Variants in SYNM observed in about 807,000 individuals in gnomAD.
SYNM encodes the protein synemin, also known as desmuslin.
SYNM carries 95 observed loss-of-function variants against 104.0 expected under a neutral mutation model. That is an observed-to-expected ratio of 0.91 (90% CI 0.77 to 1.08). The LOEUF (loss-of-function observed/expected upper bound fraction) is 1.08. Among genes scored for constraint, SYNM ranks in the 50% least tolerant of loss-of-function variants. The pLI, the probability that SYNM is intolerant of heterozygous loss-of-function variation, is 0.00. For synonymous variants in SYNM, 918 were observed against 869.0 expected, an observed-to-expected ratio of 1.06 and a Z score of -0.99; for missense variants, 2,150 against 2,052.2, an observed-to-expected ratio of 1.05 and a Z score of -0.92.
Position 99,131,236 on chromosome 15 carries a change from C to T in SYNM, c.2876C>T (p.Thr959Ile). Reference protein sequence around the residue: ...LVEVIGQLEETLPERMREELS... With the variant: ...LVEVIGQLEEILPERMREELS... ...GAGGTCATCGGGCAGCTGGAGGAAA[C>T]CCTTCCCGAGCGCATGAGGGAGGAG... Residue 959 changes from threonine to isoleucine, a missense_variant, in exon 4 of 4, where the codon ACC becomes ATC. By Grantham distance (89) the Thr-to-Ile change is moderately conservative. Transcript: ENST00000336292. The surrounding 1 kb of genome is among the most constrained non-coding windows in gnomAD (Gnocchi z 4.3). 6.2e-7 allele frequency: 1 copy of T among 1,609,368 alleles called. No individual in the cohort carries two copies. The highest frequency in any genetic ancestry group is 2.2e-5 in the East Asian group (1 of 44,720).
At chr15:99,139,637 C>G, downstream of SYNM, 1 of 1,489,074 alleles carries the variant, frequency 6.7e-7, no homozygotes, top group Non-Finnish European at 9.0e-7. Flanking sequence ...TATCTGTATG[C>G]AAAAAATAGA....
rs144209117 is a variant in SYNM, at chr15:99,132,895, G to A, written c.4535G>A (p.Gly1512Glu). 2,849 of 1,613,922 alleles carry A rather than the reference G, an allele frequency of 1.8e-3. 4 individuals are homozygous for A. Among genetic ancestry groups the A allele is most frequent in the Middle Eastern group, 8.1e-3 (49 of 6,062 alleles). The change falls in exon 4 of 4, where the codon GGA becomes GAA. Residue 1512 changes from glycine (G) to glutamate (E), a missense_variant. Coordinates refer to ENST00000336292, the MANE Select transcript of SYNM (RefSeq NM_145728.3). Reference protein sequence around the residue: ...GVSFKASAGEGDQAHREQGKE... With the variant: ...GVSFKASAGEEDQAHREQGKE... ...AGCTTTAAGGCCTCTGCTGGGGAAG[G>A]AGACCAGGCCCACAGAGAACAGGGC...
rs781864847 is a variant in SYNM, at chr15:99,130,848, T to TA, written c.2489dup (p.Tyr830Ter). The change falls in exon 4 of 4, where the codon TAT becomes TAAT. Residue 830 changes from tyrosine to a stop codon, truncating the protein, a stop_gained and frameshift_variant. Transcript: ENST00000336292. LOFTEE classifies it high-confidence loss of function. ...AGGTGATTCAGAGGGCGAGCAGAGT[T>TA]ATTTTGTGTCCACTCCAGATGAACA... The part of the protein sequence containing the change: ...EAGDSEGEQS[Y>*]FVSTPDEHPG... 1 of 1,613,848 alleles carries TA rather than the reference T, an allele frequency of 6.2e-7. No individual in the cohort carries two copies. The highest frequency in any genetic ancestry group is 8.5e-7 in the Non-Finnish European group (1 of 1,179,850).
chr15:99,133,884 T>C lies in SYNM; in HGVS notation c.*826T>C, dbSNP rs1039942871. The C allele has an allele frequency of 7.9e-5, 12 of 152,130 alleles. No homozygotes were observed. The highest frequency in any genetic ancestry group is 7.9e-4 in the Admixed American group (12 of 15,278). The allele number at this position is 152,130 out of a possible 1,614,324, so 9.4% of individuals were successfully genotyped here. On this transcript the variant is annotated 3_prime_UTR_variant, in exon 4 of 4. Coordinates refer to ENST00000336292, the MANE Select transcript of SYNM (RefSeq NM_145728.3). ...CCTATCAGACTGTGCAGACTTGCGC[T>C]TCTCTGCACCTTATCCCTTAGCACC...
chr15:99,132,648 G>T lies in SYNM; in HGVS notation c.4288G>T (p.Ala1430Ser). ...RGPVSRTFVL[A>S]GSADSPELGK... ...ACCCGTGTCCAGAACATTTGTGCTT[G>T]CTGGTTCAGCGGACTCCCCTGAGCT... Residue 1430 changes from alanine to serine, a missense_variant, in exon 4 of 4, where the codon GCT becomes TCT. Transcript: ENST00000336292. The T allele has an allele frequency of 6.2e-7, 1 of 1,614,060 alleles. No homozygotes were observed. The highest frequency in any genetic ancestry group is 8.5e-7 in the Non-Finnish European group (1 of 1,179,906).
downstream of SYNM, chr15:99,138,036 C>T (rs368118877): frequency 6.8e-6 from 11 of 1,614,084 alleles, no homozygotes; most frequent in East Asian, 6.7e-5. Context: ...CCGGGCCGGG[C>T]CTTCCCCAGC....
the SYNM span, chr15:99,140,885 C>T: frequency 6.6e-6 from 1 of 152,070 alleles, no homozygotes; most frequent in East Asian, 1.9e-4. Context: ...TGAAGAATTC[C>T]TATAAGGTAA....
At position 99,132,894 on chromosome 15, in the gene SYNM, G is replaced by A. The variant is rs571607905; in HGVS notation, c.4534G>A (p.Gly1512Arg). ...GAGCTTTAAGGCCTCTGCTGGGGAA[G>A]GAGACCAGGCCCACAGAGAACAGGG... ...GVSFKASAGE[G>R]DQAHREQGKE... Residue 1512 changes from glycine to arginine, a missense_variant, in exon 4 of 4, where the codon GGA (glycine) becomes AGA (arginine). By Grantham distance (125) the Gly-to-Arg change is moderately radical. Transcript: ENST00000336292. 1 of 1,613,902 alleles carries A rather than the reference G, an allele frequency of 6.2e-7. No individual in the cohort carries two copies. The highest frequency in any genetic ancestry group is 1.1e-5 in the South Asian group (1 of 91,052).
downstream of SYNM, chr15:99,138,215 C>G (rs2067761687): frequency 1.3e-6 from 2 of 1,538,664 alleles, no homozygotes; most frequent in African/African-American, 2.7e-5. Context: ...AGCAGGTGCC[C>G]AGACCCATTT....
chr15:99,126,001 C>G (rs537433702), intron 2 of SYNM, among the ~76,000 whole-genome samples: 27 of 152,254 alleles, frequency 1.8e-4, no homozygotes, highest in Middle Eastern at 3.4e-3. Flanking sequence ...CAGACATAGT[C>G]AAAGAAATCA....
downstream of SYNM, chr15:99,137,821 A>T: frequency 2.3e-6 from 2 of 873,460 alleles, no homozygotes; most frequent in Non-Finnish European, 3.4e-6. Context: ...TATCACCCTG[A>T]AGGGCATCCA....
Position 99,126,731 on chromosome 15 carries a change from G to C in SYNM, c.945G>C (p.Leu315Phe), listed in dbSNP as rs2067451329. 1 of 1,578,902 alleles carries C rather than the reference G, an allele frequency of 6.3e-7. No individual in the cohort carries two copies. The highest frequency in any genetic ancestry group is 1.3e-5 in the African/African-American group (1 of 74,164). ...SLEVATYRAL[L>F]EGESNPEIVI... The stretch of plus-strand genomic sequence containing the variant: ...TAAATTATTTTTACAGGGCCTTATT[G>C]GAAGGAGAAAGTAATCCAGAGATAG... The change falls in exon 3 of 4, where the codon TTG becomes TTC. Residue 315 changes from leucine to phenylalanine, a missense_variant. Transcript: ENST00000336292.
chr15:99,141,275 A>C, the SYNM span, among the ~76,000 whole-genome samples: 1 of 152,184 alleles, frequency 6.6e-6, no homozygotes, highest in Non-Finnish European at 1.5e-5. Flanking sequence ...ACATAGATGA[A>C]TCTCATGATT....
In SYNM at chr15:99,131,188, A is replaced by C; in HGVS notation, c.2828A>C (p.Lys943Thr). The stretch of plus-strand genomic sequence containing the variant: ...ACCTCCATGAAGGGCATCTCCTCCA[A>C]GGAGCCCCGGCAGCAGCTGGTGGAG... ...FHTSMKGISS[K>T]EPRQQLVEVI... Residue 943 changes from lysine to threonine, a missense_variant, in exon 4 of 4, where the codon AAG (lysine) becomes ACG (threonine). Transcript: ENST00000336292. The surrounding 1 kb of genome is among the most constrained non-coding windows in gnomAD (Gnocchi z 4.3). The C allele has an allele frequency of 6.2e-7, 1 of 1,608,080 alleles. No individual in the cohort carries two copies. The highest frequency in any genetic ancestry group is 8.5e-7 in the Non-Finnish European group (1 of 1,177,222).
chr15:99,113,545 G>T (rs184792678), intron 1 of SYNM, 46 bp from the exon 2 acceptor site: 2 of 1,608,774 alleles, frequency 1.2e-6, no homozygotes, highest in East Asian at 4.5e-5. Flanking sequence ...GTTCGACCCA[G>T]TAAAGCTCCA....
At chr15:99,120,384 T>C (rs2067388820) in intron 2 of SYNM, among the ~76,000 whole-genome samples, 1 of 152,140 alleles carries the variant, frequency 6.6e-6, no homozygotes, top group Non-Finnish European at 1.5e-5. Context: ...GAAATGACTT[T>C]TTGGAAAGGG....
chr15:99,113,858 C>T, intron 2 of SYNM, 143 bp downstream of exon 2: 1 of 1,307,028 alleles, frequency 7.7e-7, no homozygotes, highest in South Asian at 1.5e-5. Flanking sequence ...CATGGCCAGG[C>T]AAGGAGTCCG....
chr15:99,136,182 AAC>A (rs2067583537), downstream of SYNM: 1 of 150,910 alleles, frequency 6.6e-6, no homozygotes, highest in Non-Finnish European at 1.5e-5. Flanking sequence ...CAACAGAATT[AAC>A]AGATGGGAGA....
In SYNM at chr15:99,105,927, G is replaced by A. The variant is rs1290916071; in HGVS notation, c.728G>A (p.Gly243Glu). 6.5e-7 allele frequency: 1 copy of A among 1,529,360 alleles called. No individual in the cohort carries two copies. The highest frequency in any genetic ancestry group is 8.7e-7 in the Non-Finnish European group (1 of 1,143,396). 94.7% of individuals were successfully genotyped at this position (1,529,360 alleles called of 1,614,324 possible). A position where few individuals can be genotyped will look rare whatever the true frequency, so the allele number is the denominator to read the frequency against. The change falls in exon 1 of 4, where the codon GGG (glycine) becomes GAG (glutamate). Residue 243 changes from glycine (G) to glutamate (E), a missense_variant. Coordinates refer to ENST00000336292, the MANE Select transcript of SYNM (RefSeq NM_145728.3). The part of the protein sequence containing the change: ...EAEALRREAL[G>E]LEQLRARLED... Reference sequence around the variant, plus strand: ...GAGGCGCTGCGGCGCGAGGCGCTCGGGTTGGAGCAGCTGCGCGCGCGGCTG... The same window carrying A: ...GAGGCGCTGCGGCGCGAGGCGCTCGAGTTGGAGCAGCTGCGCGCGCGGCTG...
Sources: allele counts gnomAD v4.1 joint callset (sites outside exome capture counted in the v4.1 genomes callset), GRCh38; gene constraint gnomAD v4.1.1; non-coding constraint Gnocchi (gnomAD v3.1); transcripts MANE v1.5; gene names NCBI Gene and HGNC (gene_info 2026-07-23, HGNC 2026-07-21).